Variants in AUNIP observed in about 807,000 individuals in gnomAD.
AUNIP encodes aurora kinase A- and ninein-interacting protein.
A neutral mutation model predicts 12.2 loss-of-function variants in AUNIP; 16 were observed. The ratio of observed to expected loss-of-function variants is 1.31; its 90% CI spans 0.88 to 1.99. The LOEUF (loss-of-function observed/expected upper bound fraction) is 1.99. AUNIP is among the 30% of genes most tolerant of loss of function. The pLI is 0.00. For missense variants in AUNIP, 411 were observed against 419.1 expected, an observed-to-expected ratio of 0.98 and a Z score of 0.17; for synonymous variants, 142 against 154.8, an observed-to-expected ratio of 0.92 and a Z score of 0.61.
intron 1 of AUNIP, among the ~76,000 whole-genome samples, chr1:25,852,344 T>C (rs963316640): frequency 5.3e-5 from 8 of 152,206 alleles, no homozygotes; most frequent in African/African-American, 1.9e-4. Context: ...TCTTTACTAT[T>C]TATTTTCACT....
intron 1 of AUNIP, among the ~76,000 whole-genome samples, chr1:25,837,765 T>C (rs1455168398): frequency 1.3e-5 from 2 of 152,214 alleles, no homozygotes; most frequent in Non-Finnish European, 2.9e-5. Flanking sequence ...ATTCCAATGA[T>C]AGCCCAATCT....
In AUNIP at chr1:25,841,621, T is replaced by C. The variant is rs181027358; in HGVS notation, c.79-4067A>G. Among the ~76,000 whole-genome samples, 336 of 152,186 alleles carry C rather than the reference T, an allele frequency of 2.2e-3. 2 individuals carry two copies. The highest frequency in any genetic ancestry group is 7.6e-3 in the African/African-American group (315 of 41,514). The stretch of plus-strand genomic sequence containing the variant: ...TCACTGCAACCTCTGCCTCCTGGGT[T>C]CACGCCATTCTCCTGCCTCAGCCTC... On this transcript the variant is annotated intron_variant, in intron 1 of 2. Transcript: ENST00000374298.
intron 1 of AUNIP, among the ~76,000 whole-genome samples, chr1:25,844,186 AACCT>A (rs992944428): frequency 8.5e-5 from 13 of 152,146 alleles, no homozygotes; most frequent in Non-Finnish European, 7.3e-5. Flanking sequence ...GGCTCACTGC[AACCT>A]CCACCTCCCG....
chr1:25,853,197 T>C (rs1469541394), intron 1 of AUNIP, among the ~76,000 whole-genome samples: 1 of 152,216 alleles, frequency 6.6e-6, no homozygotes, highest in Non-Finnish European at 1.5e-5. Context: ...TGATTGAAAG[T>C]GGGTATTAAA....
intron 1 of AUNIP, among the ~76,000 whole-genome samples, chr1:25,841,550 G>A (rs2048347554): frequency 2.0e-5 from 3 of 150,320 alleles, no homozygotes; most frequent in Admixed American, 1.3e-4. Flanking sequence ...TTTTTAGATG[G>A]AGTCTCGCTG....
At chr1:25,843,091 G>A (rs2048356568) in intron 1 of AUNIP, among the ~76,000 whole-genome samples, 1 of 151,202 alleles carries the variant, frequency 6.6e-6, no homozygotes, top group African/African-American at 2.4e-5. Flanking sequence ...CAAAGTGGGA[G>A]GATCTCTTGA....
intron 1 of AUNIP, among the ~76,000 whole-genome samples, chr1:25,838,498 G>A (rs1373199591): frequency 1.3e-5 from 2 of 149,578 alleles, no homozygotes; most frequent in Admixed American, 6.7e-5. Context: ...GCAAGACTCC[G>A]TTTCAAAAAA....
chr1:25,836,504 G>A (rs1297980021), intron 2 of AUNIP, among the ~76,000 whole-genome samples: 1 of 152,172 alleles, frequency 6.6e-6, no homozygotes, highest in African/African-American at 2.4e-5. Flanking sequence ...ATTCTGTTCT[G>A]CCTTAAGATA....
chr1:25,857,603 C>A (rs1043658019), intron 1 of AUNIP, among the ~76,000 whole-genome samples: 1 of 151,390 alleles, frequency 6.6e-6, no homozygotes, highest in African/African-American at 2.4e-5. Context: ...TAGCTCAAGC[C>A]TGTAATCTCA....
At chr1:25,832,104 T>C (rs551632698), downstream of AUNIP, 1 of 1,609,706 alleles carries the variant, frequency 6.2e-7, no homozygotes, top group East Asian at 2.2e-5. Flanking sequence ...CAGATGTTTC[T>C]GCCTCTTAAG....
chr1:25,835,091 C>T lies in AUNIP; in HGVS notation c.976G>A (p.Ala326Thr). The T allele has an allele frequency of 6.2e-7, 1 of 1,614,204 alleles. No individual in the cohort carries two copies. Among genetic ancestry groups the T allele is most frequent in the South Asian group, 1.1e-5 (1 of 91,080 alleles). Residue 326 changes from alanine (A) to threonine (T), a missense_variant, in exon 3 of 3, where the codon GCT (alanine) becomes ACT (threonine). By Grantham distance (58) the Ala-to-Thr change is moderately conservative (BLOSUM62 0). Transcript: ENST00000374298. ...DLGPFPNSPW[A>T]QCQEDGPTQN... Reference sequence around the variant, plus strand: ...GTTGGCCCATCCTCCTGGCACTGAGCCCAAGGACTGTTAGGAAACGGCCCT... The same window carrying T: ...GTTGGCCCATCCTCCTGGCACTGAGTCCAAGGACTGTTAGGAAACGGCCCT...
At chr1:25,833,096 C>T (rs2048267869), downstream of AUNIP, among the ~76,000 whole-genome samples, 1 of 152,082 alleles carries the variant, frequency 6.6e-6, no homozygotes, top group Non-Finnish European at 1.5e-5. Flanking sequence ...TTCCCCCTTT[C>T]TGTAGAGATT....
chr1:25,841,494 T>G (rs1383245764), intron 1 of AUNIP, among the ~76,000 whole-genome samples: 3 of 152,092 alleles, frequency 2.0e-5, no homozygotes, highest in African/African-American at 7.2e-5. Context: ...CTTGCAGTAT[T>G]CCAAACTTTT....
chr1:25,832,225 A>G, downstream of AUNIP: 5 of 1,457,292 alleles, frequency 3.4e-6, no homozygotes, highest in Admixed American at 2.0e-5. Flanking sequence ...AAGGCTTGTG[A>G]TTTGACCTGA....
In AUNIP at chr1:25,857,047, C is replaced by T. The variant is rs183615182; in HGVS notation, c.78+2233G>A. Among the ~76,000 whole-genome samples the T allele has an allele frequency of 9.5e-4, 145 of 152,078 alleles. 1 individual carries two copies. Among genetic ancestry groups the T allele is most frequent in the African/African-American group, 3.4e-3 (139 of 41,490 alleles). On this transcript the variant is annotated intron_variant, in intron 1 of 2. Coordinates refer to ENST00000374298, the MANE Select transcript of AUNIP (RefSeq NM_024037.3). Reference sequence around the variant, plus strand: ...AAGAGGATCACCTGGAGCCCGGGGGCGTTGAGGCTGTAGGTAGTCGTGATT... The same window carrying T: ...AAGAGGATCACCTGGAGCCCGGGGGTGTTGAGGCTGTAGGTAGTCGTGATT...
chr1:25,844,760 T>C (rs1344575869), intron 1 of AUNIP, among the ~76,000 whole-genome samples: 1 of 152,152 alleles, frequency 6.6e-6, no homozygotes, highest in Non-Finnish European at 1.5e-5. Context: ...CCACACTCCT[T>C]CTTCCTTTAT....
rs907269854 is a variant in AUNIP at position 25,847,304 on chromosome 1, G to A, written c.79-9750C>T. Among the ~76,000 whole-genome samples, 6 of 151,934 alleles carry A rather than the reference G, an allele frequency of 3.9e-5. No individual in the cohort carries two copies. Among genetic ancestry groups the A allele is most frequent in the Middle Eastern group, 3.4e-3 (1 of 292 alleles). On this transcript the variant is annotated intron_variant, in intron 1 of 2. Transcript: ENST00000374298. This position sits in a 1 kb window ranked among gnomAD's most constrained non-coding sequence, Gnocchi z 4.2. ...TGAGACGGAGTCTCACTCTGTCACC[G>A]AGGCTGGACTGCAGTAGCGCGATAT... is the stretch of plus-strand genomic sequence containing the variant.
At chr1:25,832,734 G>A (rs58504236), downstream of AUNIP, 7,069 of 156,936 alleles carry the variant, frequency 0.045, 541 homozygotes, top group African/African-American at 0.16. Context: ...CTTTAAGCCC[G>A]GTAGGAAAGA....
At chr1:25,837,376 T>C (rs776318926) in intron 2 of AUNIP, 37 bp downstream of exon 2, 7 of 1,590,304 alleles carry the variant, frequency 4.4e-6, no homozygotes, top group South Asian at 2.3e-5. Flanking sequence ...CCTTTTTTGC[T>C]CTGGATAATG....
Sources: gnomAD v4.1 joint callset for allele counts (sites outside exome capture counted in the v4.1 genomes callset) on GRCh38, gnomAD v4.1.1 for gene constraint, Gnocchi (gnomAD v3.1) non-coding constraint, MANE v1.5 for transcripts, NCBI Gene and HGNC (gene_info 2026-07-23, HGNC 2026-07-21) for gene names.